The following ADAMTS12 variants were observed in gnomAD, a reference collection of about 807,000 sequenced individuals.
ADAMTS12 encodes ADAM metallopeptidase with thrombospondin type 1 motif 12, also known as A disintegrin and metalloproteinase with thrombospondin motifs 12.
In ADAMTS12, 118 loss-of-function variants were observed where a neutral mutation model predicts 167.8. The ratio of observed to expected loss-of-function variants is 0.70; its 90% CI spans 0.61 to 0.82. ADAMTS12 has a LOEUF of 0.82. ADAMTS12 is among the 40% of genes least tolerant of loss of function. The pLI, the probability that ADAMTS12 is intolerant of heterozygous loss-of-function variation, is 0.00. For missense variants in ADAMTS12, 1,916 were observed against 1,998.8 expected, an observed-to-expected ratio of 0.96 and a Z score of 0.79; for synonymous variants, 704 against 716.9, an observed-to-expected ratio of 0.98 and a Z score of 0.29.
intron 3 of ADAMTS12, among the ~76,000 whole-genome samples, chr5:33,694,800 G>T (rs1411340468): frequency 2.0e-5 from 3 of 152,168 alleles, no homozygotes; most frequent in Non-Finnish European, 4.4e-5. Context: ...CACTAATAAG[G>T]TACATTGATT....
At chr5:33,650,614 T>C (rs1177099557) in intron 7 of ADAMTS12, among the ~76,000 whole-genome samples, 1 of 152,234 alleles carries the variant, frequency 6.6e-6, no homozygotes, top group Non-Finnish European at 1.5e-5. Flanking sequence ...ACTTGGTCTG[T>C]TCCCTGACCT....
intron 23 of ADAMTS12, among the ~76,000 whole-genome samples, chr5:33,532,533 A>G (rs1488868645): frequency 4.6e-5 from 7 of 151,968 alleles, no homozygotes; most frequent in South Asian, 2.1e-4. Flanking sequence ...AGCAGCAGCA[A>G]CAACAAAACA....
intron 2 of ADAMTS12, among the ~76,000 whole-genome samples, chr5:33,756,293 T>A (rs549406991): frequency 6.6e-6 from 1 of 152,310 alleles, no homozygotes; most frequent in South Asian, 2.1e-4. Context: ...AACACAGCCC[T>A]CACTGGAGCG....
At chr5:33,539,399 G>C (rs1049008268) in intron 22 of ADAMTS12, among the ~76,000 whole-genome samples, 1 of 152,152 alleles carries the variant, frequency 6.6e-6, no homozygotes. Flanking sequence ...CTGACAAGAG[G>C]CCTGAAACTC....
intron 3 of ADAMTS12, among the ~76,000 whole-genome samples, chr5:33,738,058 G>A (rs1481389839): frequency 1.3e-5 from 2 of 152,158 alleles, no homozygotes; most frequent in Non-Finnish European, 2.9e-5. Flanking sequence ...GGCACAGACA[G>A]GCTCACCCAA....
chr5:33,588,668 G>A lies in ADAMTS12; in HGVS notation c.2796C>T (p.Pro932=). The change falls in exon 18 of 24, where the codon CCC becomes CCT. Residue 932 remains proline (P), a synonymous_variant. Coordinates refer to ENST00000504830, the MANE Select transcript of ADAMTS12 (RefSeq NM_030955.4). ...PPTDCQHLLK[P]KTLLSCNRDI... Reference sequence around the variant, plus strand: ...CTCTGTTGCAGGAAAGGAGGGTCTTGGGCTTCAGCAGGTGCTGGCAGTCTG... The same window carrying A: ...CTCTGTTGCAGGAAAGGAGGGTCTTAGGCTTCAGCAGGTGCTGGCAGTCTG... The A allele has an allele frequency of 6.2e-7, 1 of 1,614,172 alleles. No homozygotes were observed. Among genetic ancestry groups the A allele is most frequent in the South Asian group, 1.1e-5 (1 of 91,082 alleles).
At chr5:33,883,615 A>AAC (rs2111785901) in intron 1 of ADAMTS12, among the ~76,000 whole-genome samples, 1 of 152,346 alleles carries the variant, frequency 6.6e-6, no homozygotes, top group East Asian at 1.9e-4. Context: ...ATTCATGGAA[A>AAC]ATACACACAC....
chr5:33,831,025 T>C (rs909066335), intron 2 of ADAMTS12, among the ~76,000 whole-genome samples: 11 of 152,206 alleles, frequency 7.2e-5, no homozygotes, highest in Non-Finnish European at 1.3e-4. Context: ...TTCATGGCTA[T>C]GCTACAAACA....
At chr5:33,751,579 T>G in intron 2 of ADAMTS12, 31 bp from the exon 3 acceptor site, 1 of 1,608,922 alleles carries the variant, frequency 6.2e-7, no homozygotes, top group Non-Finnish European at 8.5e-7. Context: ...AAAGTTTATT[T>G]TAACCAATTC....
intron 2 of ADAMTS12, among the ~76,000 whole-genome samples, chr5:33,852,781 G>T (rs1256146772): frequency 6.6e-6 from 1 of 152,168 alleles, no homozygotes; most frequent in Non-Finnish European, 1.5e-5. Flanking sequence ...AAGGTCATTT[G>T]TATGTGTTTG....
At chr5:33,819,876 T>C (rs4145601) in intron 2 of ADAMTS12, among the ~76,000 whole-genome samples, 21,853 of 152,094 alleles carry the variant, frequency 0.14, 2,035 homozygotes, top group South Asian at 0.38. Context: ...ACAGTACCCA[T>C]GGGGAGCTAA....
In ADAMTS12 at chr5:33,546,108, G is replaced by A; in HGVS notation, c.4397C>T (p.Ser1466Phe). 6.2e-7 allele frequency: 1 copy of A among 1,613,836 alleles called. No homozygotes were observed. The highest frequency in any genetic ancestry group is 8.5e-7 in the Non-Finnish European group (1 of 1,179,962). Residue 1466 changes from serine to phenylalanine, a missense_variant, in exon 22 of 24, where the codon TCT becomes TTT. Ser to Phe is a radical substitution (Grantham distance 155). Coordinates refer to ENST00000504830, the MANE Select transcript of ADAMTS12 (RefSeq NM_030955.4). ...GTGACAGCACAGGTGCTCATTGCAA[G>A]ACATGGTGGATGTGGGTCTTTTTGT... ...DWTKRPTSTM[S>F]CNEHLCCHWA...
chr5:33,825,573 CAT>C (rs1438064169), intron 2 of ADAMTS12, among the ~76,000 whole-genome samples: 2 of 152,160 alleles, frequency 1.3e-5, no homozygotes, highest in African/African-American at 2.4e-5. Flanking sequence ...GGGCAAAAAG[CAT>C]ATGAGTCTCT....
rs112575027 is a variant in ADAMTS12 at position 33,527,032 on chromosome 5, G to C, written c.*156C>G. 1.0e-6 allele frequency: 1 copy of C among 965,736 alleles called. No homozygotes were observed. 59.8% of individuals were successfully genotyped at this position (965,736 alleles called of 1,614,324 possible). A position where few individuals can be genotyped will look rare whatever the true frequency, so the allele number is the denominator to read the frequency against. On this transcript the variant is annotated 3_prime_UTR_variant, in exon 24 of 24. Coordinates refer to ENST00000504830, the MANE Select transcript of ADAMTS12 (RefSeq NM_030955.4). The stretch of plus-strand genomic sequence containing the variant: ...CCTAGGCCTCCTGTGAGGGACATTC[G>C]GTGGCTAGAGGAACACAATGGATTT...
rs1475499349 is a variant in ADAMTS12 at position 33,588,624 on chromosome 5, T to C, written c.2840A>G (p.Asp947Gly). ...SCNRDILCPS[D>G]WTVGNWSECS... ...CTCACTCCAGTTGCCCACTGTCCAGTCCGAGGGGCACAGGATGTCTCTGTT... is the reference window on the plus strand; with the variant it reads ...CTCACTCCAGTTGCCCACTGTCCAGCCCGAGGGGCACAGGATGTCTCTGTT... The change falls in exon 18 of 24, where the codon GAC becomes GGC. Residue 947 changes from aspartate (D) to glycine (G), a missense_variant. Transcript: ENST00000504830. The C allele has an allele frequency of 6.2e-7, 1 of 1,614,126 alleles. No homozygotes were observed. The highest frequency in any genetic ancestry group is 8.5e-7 in the Non-Finnish European group (1 of 1,180,004).
At chr5:33,651,317 A>C (rs1197753132) in intron 7 of ADAMTS12, among the ~76,000 whole-genome samples, 2 of 152,212 alleles carry the variant, frequency 1.3e-5, no homozygotes, top group African/African-American at 4.8e-5. Flanking sequence ...AAGCCATATA[A>C]TCTAGGGCCC....
rs765931698 is a variant in ADAMTS12 at position 33,806,358 on chromosome 5, G to A, written c.490-54810C>T. Among the ~76,000 whole-genome samples, 5 of 152,186 alleles carry A rather than the reference G, an allele frequency of 3.3e-5. No homozygotes were observed. The South Asian group carries it at 6.2e-4, about 19-fold the overall frequency. The stretch of plus-strand genomic sequence containing the variant: ...ATGTCATTAATGGAAGCACAGCCTC[G>A]AGGTTGGGAACACCATTCATCATGG... On this transcript the variant is annotated intron_variant, in intron 2 of 23. Transcript: ENST00000504830.
At chr5:33,671,448 C>T (rs116501206) in intron 5 of ADAMTS12, among the ~76,000 whole-genome samples, 1 of 152,286 alleles carries the variant, frequency 6.6e-6, no homozygotes, top group African/African-American at 2.4e-5. Flanking sequence ...ATAGGAATTT[C>T]TCTGTACTAT....
intron 2 of ADAMTS12, among the ~76,000 whole-genome samples, chr5:33,866,476 C>A (rs1181592148): frequency 6.6e-6 from 1 of 152,026 alleles, no homozygotes; most frequent in Non-Finnish European, 1.5e-5. Flanking sequence ...AAATTTAAGA[C>A]CTGAAACCAT....
Sources: allele counts gnomAD v4.1 joint callset (sites outside exome capture counted in the v4.1 genomes callset), GRCh38; gene constraint gnomAD v4.1.1; transcripts MANE v1.5; gene names NCBI Gene and HGNC (gene_info 2026-07-23, HGNC 2026-07-21).